GGNBP2: variants seen among roughly 807,000 people sequenced by gnomAD.
The protein encoded by GGNBP2 is gametogenetin binding protein 2, also known as gametogenetin-binding protein 2.
A neutral mutation model predicts 85.9 loss-of-function variants in GGNBP2; 10 were observed. That is an observed-to-expected ratio of 0.12 (90% CI 0.07 to 0.20). The LOEUF is 0.20. Among genes scored for constraint, GGNBP2 ranks in the 10% least tolerant of loss-of-function variants. GGNBP2 has a pLI of 1.00. For synonymous variants in GGNBP2, 287 were observed against 285.7 expected, an observed-to-expected ratio of 1.00 and a Z score of -0.05; for missense variants, 595 against 857.8, an observed-to-expected ratio of 0.69 and a Z score of 3.83.
At chr17:36,562,236 C>A (rs2074424550) in intron 5 of GGNBP2, among the ~76,000 whole-genome samples, 1 of 152,142 alleles carries the variant, frequency 6.6e-6, no homozygotes, top group African/African-American at 2.4e-5. Flanking sequence ...GGTACGATCT[C>A]AGCTCATGCA....
chr17:36,564,306 A>C (rs2074448387), intron 5 of GGNBP2, among the ~76,000 whole-genome samples: 1 of 152,170 alleles, frequency 6.6e-6, no homozygotes. Context: ...CATTTTATGC[A>C]TCTGTGTTCA....
chr17:36,560,857 G>C lies in GGNBP2; in HGVS notation c.513G>C (p.Lys171Asn). 1 of 1,582,326 alleles carries C rather than the reference G, an allele frequency of 6.3e-7. No individual in the cohort carries two copies. Among genetic ancestry groups the C allele is most frequent in the Non-Finnish European group, 8.6e-7 (1 of 1,161,150 alleles). Reference protein sequence around the residue: ...RCQLHSLDTHKPKPLGGCWMD... With the variant: ...RCQLHSLDTHNPKPLGGCWMD... Reference sequence around the variant, plus strand: ...AGTTGCACTCCTTAGATACGCACAAGCCAAAACCTTTGGGGTAAGTAGAAT... The same window carrying C: ...AGTTGCACTCCTTAGATACGCACAACCCAAAACCTTTGGGGTAAGTAGAAT... The change falls in exon 5 of 14, where the codon AAG (lysine) becomes AAC (asparagine). Residue 171 changes from lysine (K) to asparagine (N), a missense_variant. Around this residue, in one of 9 missense-constraint regions of GGNBP2, gnomAD observed 216 missense variants for 293.4 expected, o/e 0.74. Transcript: ENST00000613102.
intron 6 of GGNBP2, among the ~76,000 whole-genome samples, chr17:36,569,314 AG>A: frequency 6.6e-6 from 1 of 152,150 alleles, no homozygotes; most frequent in Non-Finnish European, 1.5e-5. Context: ...TGGGAGACTG[AG>A]GCAGGTGAAT....
intron 10 of GGNBP2, 73 bp downstream of exon 10, chr17:36,585,523 A>G: frequency 9.2e-7 from 1 of 1,087,554 alleles, no homozygotes; most frequent in Non-Finnish European, 1.3e-6. Flanking sequence ...AAGAGCTTTT[A>G]GAGATTCTGT....
intron 6 of GGNBP2, chr17:36,575,202 C>A: frequency 1.6e-6 from 1 of 642,904 alleles, no homozygotes; most frequent in Non-Finnish European, 2.8e-6. Context: ...GCTCTGCGGC[C>A]TCAGCCGCGG....
At chr17:36,571,129 C>T (rs983877676) in intron 6 of GGNBP2, among the ~76,000 whole-genome samples, 2 of 152,192 alleles carry the variant, frequency 1.3e-5, no homozygotes, top group African/African-American at 4.8e-5. Flanking sequence ...AAACTGAAAC[C>T]TCTGCCTTAA....
intron 11 of GGNBP2, 32 bp downstream of exon 11, chr17:36,585,997 T>C: frequency 1.9e-6 from 3 of 1,613,970 alleles, no homozygotes; most frequent in Non-Finnish European, 2.5e-6. Context: ...CAGTTATTTC[T>C]ACTACATGGC....
chr17:36,563,661 T>G (rs760810291), intron 5 of GGNBP2, among the ~76,000 whole-genome samples: 4 of 151,872 alleles, frequency 2.6e-5, no homozygotes, highest in Admixed American at 2.0e-4. Context: ...TATGTTCTTG[T>G]AGCCTGAAGA....
chr17:36,586,114 T>C lies in GGNBP2; in HGVS notation c.1557T>C (p.Cys519=). ...KEDDGDSCVE[C]WANSEENDTK... is the part of the protein sequence containing the mutation. ...ATGATGGTGATAGTTGTGTTGAATG[T>C]TGGGCAAATTCTGAAGAGAACGACA... Residue 519 remains cysteine, a synonymous_variant, in exon 12 of 14, where the codon TGT becomes TGC. Coordinates refer to ENST00000613102, the MANE Select transcript of GGNBP2 (RefSeq NM_024835.5). 6.2e-7 allele frequency: 1 copy of C among 1,614,164 alleles called. No homozygotes were observed. Among genetic ancestry groups the C allele is most frequent in the Non-Finnish European group, 8.5e-7 (1 of 1,180,026 alleles).
intron 12 of GGNBP2, 78 bp from the exon 13 acceptor site, chr17:36,586,917 CTT>C (rs11367622): frequency 0.1 from 105,028 of 1,045,276 alleles, 18 homozygotes; most frequent in Middle Eastern, 0.11. Context: ...CCGTGCCCCG[CTT>C]TTTTTTTTTT....
At chr17:36,586,804 A>G (rs2074706012) in intron 12 of GGNBP2, 193 bp from the exon 13 acceptor site, 3 of 532,954 alleles carry the variant, frequency 5.6e-6, no homozygotes, top group South Asian at 2.4e-5. Context: ...TTTTTAGTAG[A>G]GATGGCATTT....
At chr17:36,574,343 C>G (rs570432262) in intron 6 of GGNBP2, 3 of 156,942 alleles carry the variant, frequency 1.9e-5, no homozygotes, top group East Asian at 3.6e-4. Context: ...GTTCGCACAG[C>G]AACAAAATAG....
intron 5 of GGNBP2, among the ~76,000 whole-genome samples, chr17:36,565,349 A>T (rs73993030): frequency 6.6e-6 from 1 of 152,068 alleles, no homozygotes; most frequent in African/African-American, 2.4e-5. Flanking sequence ...TGGAAAGGTT[A>T]TTTTTTTGGA....
chr17:36,545,720 G>A lies in GGNBP2; in HGVS notation c.-5G>A. 2 of 1,565,844 alleles carry A rather than the reference G, an allele frequency of 1.3e-6. No individual in the cohort carries two copies. The highest frequency in any genetic ancestry group is 1.7e-6 in the Non-Finnish European group (2 of 1,155,958). Reference sequence around the variant, plus strand: ...GTGACGGTGGCAACGGCAGCGTCGGGGACGATGGCGCGACTCGTGGCAGTG... The same window carrying A: ...GTGACGGTGGCAACGGCAGCGTCGGAGACGATGGCGCGACTCGTGGCAGTG... On this transcript the variant is annotated 5_prime_UTR_variant, in exon 2 of 14. Coordinates refer to ENST00000613102, the MANE Select transcript of GGNBP2 (RefSeq NM_024835.5).
chr17:36,588,547 C>T (rs549977558), intron 13 of GGNBP2, among the ~76,000 whole-genome samples: 6 of 152,120 alleles, frequency 3.9e-5, no homozygotes, highest in South Asian at 2.1e-4. Context: ...TGAGCCACCG[C>T]GCCCAGCTAG....
chr17:36,567,519 G>A (rs1432480032), intron 5 of GGNBP2, 144 bp from the exon 6 acceptor site: 2 of 581,430 alleles, frequency 3.4e-6, no homozygotes, highest in Non-Finnish European at 6.2e-6. Context: ...CAGGAAGGAC[G>A]GCAAGTATAG....
At chr17:36,555,080 T>C (rs189665623) in intron 3 of GGNBP2, among the ~76,000 whole-genome samples, 180 bp downstream of exon 3, 43 of 152,316 alleles carry the variant, frequency 2.8e-4, no homozygotes, top group Non-Finnish European at 4.4e-4. Context: ...GTAACTGCCA[T>C]GTGAAAAAGA....
intron 3 of GGNBP2, 35 bp from the exon 4 acceptor site, chr17:36,557,048 A>T: frequency 1.2e-6 from 2 of 1,611,644 alleles, no homozygotes; most frequent in Non-Finnish European, 1.7e-6. Flanking sequence ...ACGTCTTTTT[A>T]AAGGACACTC....
At chr17:36,580,038 CA>C (rs373447873) in intron 8 of GGNBP2, among the ~76,000 whole-genome samples, 3 of 151,056 alleles carry the variant, frequency 2.0e-5, no homozygotes, top group Middle Eastern at 3.4e-3. Context: ...AAAAACAAAA[CA>C]AAAAAAACAC....
Sources: allele counts gnomAD v4.1 joint callset (sites outside exome capture counted in the v4.1 genomes callset), GRCh38; gene constraint gnomAD v4.1.1; regional missense constraint gnomAD v4.1.1; transcripts MANE v1.5; gene names NCBI Gene and HGNC (gene_info 2026-07-23, HGNC 2026-07-21).